Variants in PKD1 observed in about 807,000 individuals in gnomAD.
PKD1 encodes the protein polycystin 1, transient receptor potential channel interacting.
PKD1 carries 81 observed loss-of-function variants against 361.7 expected under a neutral mutation model. That is an observed-to-expected ratio of 0.22 (90% CI 0.19 to 0.27). The LOEUF (loss-of-function observed/expected upper bound fraction) is 0.27. Ranked by LOEUF, PKD1 falls within the 10% of genes least tolerant of loss-of-function variation. The probability of loss-of-function intolerance (pLI) is 1.00; values close to 1 mark genes in which losing one functional copy is unlikely to be tolerated. For missense variants in PKD1, 6,399 were observed against 6,118.3 expected (o/e 1.05, Z -1.53); for synonymous variants, 3,615 against 2,818.3 (o/e 1.28, Z -8.95).
rs2092498559 is a variant in PKD1, at chr16:2,111,319, A to G, written c.3848T>C (p.Leu1283Pro). The stretch of plus-strand genomic sequence containing the variant: ...GACCAGCACGTGCAGGCTCCGGGCC[A>G]GGTGGCCGGCGGGGCTGGCCGCACC... Reference protein sequence around the residue: ...TVGAASPAGHLARSLHVLVFV... With the variant: ...TVGAASPAGHPARSLHVLVFV... Residue 1283 changes from leucine (L) to proline (P), a missense_variant, in exon 15 of 46, where the codon CTG becomes CCG. Transcript: ENST00000262304. 6.2e-7 allele frequency: 1 copy of G among 1,608,958 alleles called. No homozygotes were observed. The highest frequency in any genetic ancestry group is 8.5e-7 in the Non-Finnish European group (1 of 1,178,998).
In PKD1 at chr16:2,090,145, G is replaced by T; in HGVS notation, c.12494C>A (p.Ser4165Tyr). 6.3e-7 allele frequency: 1 copy of T among 1,595,758 alleles called. No individual in the cohort carries two copies. The highest frequency in any genetic ancestry group is 8.5e-7 in the Non-Finnish European group (1 of 1,170,224). ...CGGGGATACCTTGGAGCCCCTGGAG[G>T]AGCGAGAGGGCAGCGGCTCCATCCC... The part of the protein sequence containing the change: ...FEGMEPLPSR[S>Y]SRGSKVSPDV... The change falls in exon 46 of 46, where the codon TCC (serine) becomes TAC (tyrosine). Residue 4165 changes from serine to tyrosine, a missense_variant. Physicochemically the swap from Ser to Tyr is moderately radical, Grantham distance 144. Coordinates refer to ENST00000262304, the MANE Select transcript of PKD1 (RefSeq NM_001009944.3).
In PKD1 at chr16:2,129,989, A is replaced by G. The variant is rs114667403; in HGVS notation, c.215+5486T>C. On this transcript the variant is annotated intron_variant, in intron 1 of 45. Transcript: ENST00000262304. ...TGCAGTGGGAGCTCGGGTGCCCCAC[A>G]TTCCCAACTGCTGCAGACACAACCA... 8.8e-3 allele frequency among the ~76,000 whole-genome samples: 1,346 copies of G among 152,220 alleles called. 16 individuals carry two copies. Among genetic ancestry groups the G allele is most frequent in the African/African-American group, 0.03 (1,265 of 41,534 alleles).
At position 2,116,911 on chromosome 16, in the gene PKD1, G is replaced by T; in HGVS notation, c.1528C>A (p.Arg510=). The change falls in exon 7 of 46, where the codon CGG becomes AGG. Residue 510 remains arginine, a synonymous_variant. Coordinates refer to ENST00000262304, the MANE Select transcript of PKD1 (RefSeq NM_001009944.3). The part of the protein sequence containing the change: ...PHPATAEHCV[R]LGPTGWCNTD... ...TTACACCACCCGGTGGGCCCGAGCC[G>T]GACGCAGTGCTCGGCTGTGGCTGGG... 1 of 1,518,086 alleles carries T rather than the reference G, an allele frequency of 6.6e-7. No homozygotes were observed. Among genetic ancestry groups the T allele is most frequent in the Non-Finnish European group, 8.9e-7 (1 of 1,129,546 alleles). 94.0% of individuals were successfully genotyped at this position (1,518,086 alleles called of 1,614,324 possible).
intron 1 of PKD1, among the ~76,000 whole-genome samples, chr16:2,130,214 A>G (rs182496679): frequency 6.6e-6 from 1 of 152,190 alleles, no homozygotes; most frequent in South Asian, 2.1e-4. Flanking sequence ...ACCCCGGGTG[A>G]GGCCAGCTGG....
In PKD1 at chr16:2,090,567, G is replaced by A. The variant is rs143802974; in HGVS notation, c.12162C>T (p.Ser4054=). Residue 4054 remains serine, a synonymous_variant, in exon 45 of 46, where the codon TCC becomes TCT. Transcript: ENST00000262304. ...ACAGGGCCTGGGCCACGCTCCAGAG[G>A]GAGTCCACACAGGAAGACACGAGCT... The part of the protein sequence containing the change: ...AILLVSSCVD[S]LWSVAQALLV... 1.9e-4 allele frequency: 299 copies of A among 1,609,056 alleles called. No homozygotes were observed. Among genetic ancestry groups the A allele is most frequent in the Non-Finnish European group, 2.5e-4 (290 of 1,179,670 alleles).
rs1280318849 is a variant in PKD1, at chr16:2,100,726, G to A, written c.9398-160C>T. ...CCATACACAAGGAGCTGCGGTTACTGCAATTTGTCCAATTAACAGCAGGAC... is the reference window on the plus strand; with the variant it reads ...CCATACACAAGGAGCTGCGGTTACTACAATTTGTCCAATTAACAGCAGGAC... On this transcript the variant is annotated intron_variant, in intron 26 of 45. Coordinates refer to ENST00000262304, the MANE Select transcript of PKD1 (RefSeq NM_001009944.3). The surrounding 1 kb of genome is among the most constrained non-coding windows in gnomAD (Gnocchi z 4.4). 4 of 627,764 alleles carry A rather than the reference G, an allele frequency of 6.4e-6. No homozygotes were observed. Among genetic ancestry groups the A allele is most frequent in the South Asian group, 1.9e-5 (1 of 53,196 alleles). The allele number at this position is 627,764 out of a possible 1,614,324, so 38.9% of individuals were successfully genotyped here.
rs906663801 is a variant in PKD1, at chr16:2,109,056, C to A, written c.6111G>T (p.Glu2037Asp). The A allele has an allele frequency of 1.2e-6, 2 of 1,607,044 alleles. No individual in the cohort carries two copies. Among genetic ancestry groups the A allele is most frequent in the East Asian group, 4.5e-5 (2 of 44,696 alleles). The change falls in exon 15 of 46, where the codon GAG (glutamate) becomes GAT (aspartate). Residue 2037 changes from glutamate (E) to aspartate (D), a missense_variant. Coordinates refer to ENST00000262304, the MANE Select transcript of PKD1 (RefSeq NM_001009944.3). ...TYTPVAAGLLEIQVRAFNALG... is the reference protein window; with the variant it reads ...TYTPVAAGLLDIQVRAFNALG... ...GGGCGTTGAAGGCGCGCACCTGGAT[C>A]TCCAACAGCCCCGCGGCCACGGGCG...
At chr16:2,130,058 C>T (rs2092851191) in intron 1 of PKD1, among the ~76,000 whole-genome samples, 2 of 152,188 alleles carry the variant, frequency 1.3e-5, no homozygotes, top group Non-Finnish European at 2.9e-5. Context: ...CAATCGCGTA[C>T]AGGAGTGAGC....
chr16:2,127,884 G>A (rs1051364195), intron 1 of PKD1, among the ~76,000 whole-genome samples: 12 of 141,672 alleles, frequency 8.5e-5, no homozygotes, highest in Admixed American at 6.6e-4. Flanking sequence ...AGAGAGAAGG[G>A]ACACAGCAGG....
chr16:2,093,174 G>A, intron 37 of PKD1, 81 bp from the exon 38 acceptor site: 1 of 1,533,474 alleles, frequency 6.5e-7, no homozygotes, highest in Non-Finnish European at 9.0e-7. Context: ...TGGAGCCATG[G>A]CTGCGGCAGG....
intron 26 of PKD1, among the ~76,000 whole-genome samples, chr16:2,101,350 T>TA (rs141568123): frequency 0.21 from 31,894 of 151,732 alleles, 4,095 homozygotes; most frequent in African/African-American, 0.35. Context: ...AGCACAGAGA[T>TA]AAAAAATGGG....
In PKD1 at chr16:2,114,824, G is replaced by C. The variant is rs770107481; in HGVS notation, c.2199C>G (p.Pro733=). 48 of 1,246,958 alleles carry C rather than the reference G, an allele frequency of 3.8e-5. No individual in the cohort carries two copies. The highest frequency in any genetic ancestry group is 5.1e-5 in the Non-Finnish European group (45 of 886,776). The allele number at this position is 1,246,958 out of a possible 1,614,324, so 77.2% of individuals were successfully genotyped here. A position where few individuals can be genotyped will look rare whatever the true frequency, so the allele number is the denominator to read the frequency against. The change falls in exon 11 of 46, where the codon CCC becomes CCG. Residue 733 remains proline (P), a synonymous_variant. Coordinates refer to ENST00000262304, the MANE Select transcript of PKD1 (RefSeq NM_001009944.3). ...PGALLHCSPA[P]GHPGPRAPYL... ...ACGGGGCCCGGGGACCAGGGTGGCC[G>C]GGAGCCGGCGAGCAGTGCAGGAGGG...
chr16:2,089,846 C>T lies in PKD1; in HGVS notation c.12793G>A (p.Gly4265Ser), dbSNP rs775938946. ...CGGCTGGGCAGTGCTGGCCGCAGGC[C>T]CGGGGATGGGCCACGGGAAGATCCG... ...PAGSSRGPSP[G>S]LRPALPSRLA... Residue 4265 changes from glycine to serine, a missense_variant, in exon 46 of 46, where the codon GGC becomes AGC. Physicochemically the swap from Gly to Ser is moderately conservative, Grantham distance 56. Transcript: ENST00000262304. 1.2e-6 allele frequency: 2 copies of T among 1,606,830 alleles called. No homozygotes were observed. The highest frequency in any genetic ancestry group is 2.2e-5 in the South Asian group (2 of 90,090).
rs749482125 is a variant in PKD1 at position 2,111,326 on chromosome 16, C to T, written c.3841G>A (p.Gly1281Ser). 50 of 1,608,524 alleles carry T rather than the reference C, an allele frequency of 3.1e-5. No individual in the cohort carries two copies. The South Asian group carries it at 5.2e-4, about 17-fold the overall frequency. ...ACGTGCAGGCTCCGGGCCAGGTGGC[C>T]GGCGGGGCTGGCCGCACCCACGGTC... ...TVTVGAASPA[G>S]HLARSLHVLV... The change falls in exon 15 of 46, where the codon GGC (glycine) becomes AGC (serine). Residue 1281 changes from glycine (G) to serine (S), a missense_variant. Gly to Ser is a moderately conservative substitution (Grantham distance 56). Coordinates refer to ENST00000262304, the MANE Select transcript of PKD1 (RefSeq NM_001009944.3).
Position 2,089,754 on chromosome 16 carries a change from C to G in PKD1, c.12885G>C (p.Lys4295Asn), listed in dbSNP as rs1210000011. Residue 4295 changes from lysine (K) to asparagine (N), a missense_variant, in exon 46 of 46, where the codon AAG becomes AAC. Coordinates refer to ENST00000262304, the MANE Select transcript of PKD1 (RefSeq NM_001009944.3). The part of the protein sequence containing the change: ...TGPSRTPLRA[K>N]NKVHPSST ...AAGTGCTGCTGGGGTGGACCTTGTT[C>G]TTGGCCCGAAGGGGTGTCCTGCTGG... 6.3e-7 allele frequency: 1 copy of G among 1,591,360 alleles called. No homozygotes were observed. Among genetic ancestry groups the G allele is most frequent in the East Asian group, 2.3e-5 (1 of 44,118 alleles).
At chr16:2,105,103 C>T (rs1411431217) in intron 21 of PKD1, among the ~76,000 whole-genome samples, 1 of 142,692 alleles carries the variant, frequency 7.0e-6, no homozygotes, top group Non-Finnish European at 1.5e-5. Flanking sequence ...CATCTGGGCC[C>T]CTCTTTACAC....
At position 2,110,501 on chromosome 16, in the gene PKD1, T is replaced by A; in HGVS notation, c.4666A>T (p.Ser1556Cys). Residue 1556 changes from serine to cysteine, a missense_variant, in exon 15 of 46, where the codon AGC (serine) becomes TGC (cysteine). Coordinates refer to ENST00000262304, the MANE Select transcript of PKD1 (RefSeq NM_001009944.3). ...CCATTCAGGGGCACCACCGTGCGGC[T>A]TGCATTGACGACGAGCCCCCGCACG... ...RRVRGLVVNA[S>C]RTVVPLNGSV... The A allele has an allele frequency of 6.2e-7, 1 of 1,612,322 alleles. No individual in the cohort carries two copies. Among genetic ancestry groups the A allele is most frequent in the Non-Finnish European group, 8.5e-7 (1 of 1,179,816 alleles).
intron 41 of PKD1, 81 bp from the exon 42 acceptor site, chr16:2,091,678 G>A (rs1326714674): frequency 5.1e-6 from 8 of 1,561,318 alleles, no homozygotes; most frequent in Non-Finnish European, 6.0e-6. Context: ...GTGGCTGAGG[G>A]GCTGTGGAAG....
rs948239881 is a variant in PKD1, at chr16:2,118,883, T to A, written c.360-38A>T. On this transcript the variant is annotated intron_variant, in intron 3 of 45. Transcript: ENST00000262304. This position sits in a 1 kb window ranked among gnomAD's most constrained non-coding sequence, Gnocchi z 6.0. ...GGCAGGTGTTGGGGACCAGGTCTGG[T>A]GGGAAGGGTCTATGCCAGCCCCCCA... 8 of 1,513,022 alleles carry A rather than the reference T, an allele frequency of 5.3e-6. No homozygotes were observed. The African/African-American group carries it at 9.5e-5, about 18-fold the overall frequency. 93.7% of individuals were successfully genotyped at this position (1,513,022 alleles called of 1,614,324 possible). A position where few individuals can be genotyped will look rare whatever the true frequency, so the allele number is the denominator to read the frequency against.
Sources: allele counts gnomAD v4.1 joint callset (sites outside exome capture counted in the v4.1 genomes callset), GRCh38; gene constraint gnomAD v4.1.1; non-coding constraint Gnocchi (gnomAD v3.1); transcripts MANE v1.5; gene names NCBI Gene and HGNC (gene_info 2026-07-23, HGNC 2026-07-21).